NELL1: variants seen among roughly 807,000 people sequenced by gnomAD.
NELL1 encodes the protein neural EGFL like 1.
A neutral mutation model predicts 107.4 loss-of-function variants in NELL1; 76 were observed. The ratio of observed to expected loss-of-function variants is 0.71; its 90% CI spans 0.59 to 0.86. The LOEUF (loss-of-function observed/expected upper bound fraction) is 0.86. Ranked by LOEUF, NELL1 falls within the 40% of genes least tolerant of loss-of-function variation. NELL1 has a pLI of 0.00. For missense variants in NELL1, 1,024 were observed against 1,005.5 expected (o/e 1.02, Z -0.25); for synonymous variants, 353 against 341.2 (o/e 1.03, Z -0.38).
rs542638695 is a variant in NELL1 at position 20,990,429 on chromosome 11, A to G, written c.1300+29869A>G. Among the ~76,000 whole-genome samples, 14 of 152,286 alleles carry G rather than the reference A, an allele frequency of 9.2e-5. No individual in the cohort carries two copies. In the South Asian group the frequency reaches 2.9e-3, roughly 32 times the overall value. Reference sequence around the variant, plus strand: ...TCACAGTGCCCACTTGACCATAGAAAACATACATTCTTGACATGGCAGTAC... The same window carrying G: ...TCACAGTGCCCACTTGACCATAGAAGACATACATTCTTGACATGGCAGTAC... On this transcript the variant is annotated intron_variant, in intron 12 of 19. Coordinates refer to ENST00000357134, the MANE Select transcript of NELL1 (RefSeq NM_006157.5).
At chr11:21,157,274 T>C (rs905475688) in intron 13 of NELL1, among the ~76,000 whole-genome samples, 34 of 152,114 alleles carry the variant, frequency 2.2e-4, no homozygotes, top group Non-Finnish European at 4.3e-4. Flanking sequence ...ATGCTTGTCC[T>C]TGCTGACTCA....
In NELL1 at chr11:20,899,715, T is replaced by C. The variant is rs143518783; in HGVS notation, c.603+14175T>C. ...ATCATTTGAAAATACACTGGGAAGTTTGAGCAAGAAGAAAATGAGAGAAGG... is the reference window on the plus strand; with the variant it reads ...ATCATTTGAAAATACACTGGGAAGTCTGAGCAAGAAGAAAATGAGAGAAGG... On this transcript the variant is annotated intron_variant, in intron 5 of 19. Coordinates refer to ENST00000357134, the MANE Select transcript of NELL1 (RefSeq NM_006157.5). Among the ~76,000 whole-genome samples, 871 of 152,014 alleles carry C rather than the reference T, an allele frequency of 5.7e-3. 5 individuals are homozygous for C. The highest frequency in any genetic ancestry group is 0.02 in the African/African-American group (829 of 41,466).
At chr11:20,736,478 G>A (rs1253262802) in intron 2 of NELL1, among the ~76,000 whole-genome samples, 1 of 152,154 alleles carries the variant, frequency 6.6e-6, no homozygotes, top group African/African-American at 2.4e-5. Flanking sequence ...TGTCATCATG[G>A]TTTAGGATAA....
intron 13 of NELL1, among the ~76,000 whole-genome samples, chr11:21,163,550 G>A (rs1856418286): frequency 6.6e-6 from 1 of 152,130 alleles, no homozygotes; most frequent in South Asian, 2.1e-4. Flanking sequence ...ACAGTATTTA[G>A]GGAGGTACTT....
chr11:21,289,327 G>A (rs1363940906), intron 14 of NELL1, among the ~76,000 whole-genome samples: 1 of 152,190 alleles, frequency 6.6e-6, no homozygotes, highest in Non-Finnish European at 1.5e-5. Flanking sequence ...CATCTCATTG[G>A]GACTGATTAG....
chr11:21,249,912 G>T (rs1043579761), intron 14 of NELL1, among the ~76,000 whole-genome samples: 4 of 152,134 alleles, frequency 2.6e-5, no homozygotes, highest in African/African-American at 4.8e-5. Context: ...ACAAAAAACT[G>T]CAAAAGTCTA....
intron 16 of NELL1, among the ~76,000 whole-genome samples, chr11:21,540,496 C>T (rs1189993732): frequency 6.6e-6 from 1 of 152,052 alleles, no homozygotes; most frequent in African/African-American, 2.4e-5. Context: ...AAGGAACTTC[C>T]TGAGACTGGG....
At chr11:21,304,702 G>T (rs1377836529) in intron 14 of NELL1, among the ~76,000 whole-genome samples, 1 of 151,460 alleles carries the variant, frequency 6.6e-6, no homozygotes, top group Non-Finnish European at 1.5e-5. Context: ...TTGCCCTGTT[G>T]TATTTTTTTA....
chr11:21,112,388 G>T (rs955369178), intron 12 of NELL1, among the ~76,000 whole-genome samples: 11 of 151,686 alleles, frequency 7.3e-5, no homozygotes, highest in African/African-American at 2.4e-4. Context: ...TTTATCCTCG[G>T]TTTCTGTACA....
chr11:21,331,014 T>C (rs538499525), intron 14 of NELL1, among the ~76,000 whole-genome samples: 1 of 152,234 alleles, frequency 6.6e-6, no homozygotes, highest in African/African-American at 2.4e-5. Context: ...CTAGTACATT[T>C]TTCATTTCAG....
chr11:21,333,916 C>G lies in NELL1; in HGVS notation c.1550-36937C>G, dbSNP rs116591170. ...TCACTGAATTGAAATTCCTTTTTCT[C>G]CACTGCTGAGTCGTGAGATTTGGGG... On this transcript the variant is annotated intron_variant, in intron 14 of 19. Coordinates refer to ENST00000357134, the MANE Select transcript of NELL1 (RefSeq NM_006157.5). 3.0e-3 allele frequency among the ~76,000 whole-genome samples: 458 copies of G among 152,116 alleles called. 5 individuals carry two copies. In the Middle Eastern group the frequency reaches 0.031, roughly 10 times the overall value.
chr11:21,239,887 A>G (rs1445551007), intron 14 of NELL1, among the ~76,000 whole-genome samples: 1 of 152,002 alleles, frequency 6.6e-6, no homozygotes, highest in South Asian at 2.1e-4. Flanking sequence ...GCAGAGACCT[A>G]TTGAGATATT....
Position 21,114,651 on chromosome 11 carries a change from A to G in NELL1, c.1426+937A>G, listed in dbSNP as rs146860468. On this transcript the variant is annotated intron_variant, in intron 13 of 19. Coordinates refer to ENST00000357134, the MANE Select transcript of NELL1 (RefSeq NM_006157.5). ...CCAAATTTCTTTGCCAGTGATGTCTATTTATAAGTTACTATTCTTTGGGTG... is the reference window on the plus strand; with the variant it reads ...CCAAATTTCTTTGCCAGTGATGTCTGTTTATAAGTTACTATTCTTTGGGTG... Among the ~76,000 whole-genome samples, 862 of 152,044 alleles carry G rather than the reference A, an allele frequency of 5.7e-3. 5 individuals carry two copies. The highest frequency in any genetic ancestry group is 0.02 in the Middle Eastern group (6 of 294).
chr11:21,345,143 T>C (rs1850656720), intron 14 of NELL1, among the ~76,000 whole-genome samples: 1 of 152,198 alleles, frequency 6.6e-6, no homozygotes. Flanking sequence ...TTTAGCCTTC[T>C]GGAAAAATTC....
At chr11:21,349,403 A>T (rs1169685139) in intron 14 of NELL1, among the ~76,000 whole-genome samples, 2 of 152,226 alleles carry the variant, frequency 1.3e-5, no homozygotes, top group East Asian at 3.8e-4. Context: ...TAGTTTTATC[A>T]GCATGAAAAA....
At chr11:21,248,953 G>T (rs1028008509) in intron 14 of NELL1, among the ~76,000 whole-genome samples, 2 of 152,128 alleles carry the variant, frequency 1.3e-5, no homozygotes, top group African/African-American at 4.8e-5. Flanking sequence ...GGCTGTCTGA[G>T]GAGGAAGCCA....
chr11:21,504,022 T>C (rs537611586), intron 15 of NELL1: 13 of 152,290 alleles, frequency 8.5e-5, no homozygotes, highest in Admixed American at 7.9e-4. Flanking sequence ...TCAACAGAGA[T>C]TTTTCTCTTC....
At chr11:21,173,425 C>G (rs1042449256) in intron 13 of NELL1, among the ~76,000 whole-genome samples, 6 of 151,810 alleles carry the variant, frequency 4.0e-5, no homozygotes, top group African/African-American at 7.3e-5. Flanking sequence ...AATTTAACAG[C>G]TTATGTACTT....
chr11:21,403,901 T>A (rs1246617943), intron 15 of NELL1, among the ~76,000 whole-genome samples: 3 of 150,194 alleles, frequency 2.0e-5, no homozygotes, highest in African/African-American at 7.5e-5. Context: ...TCTGTCCTTT[T>A]TTGGGATGTT....
Sources: allele counts gnomAD v4.1 joint callset (sites outside exome capture counted in the v4.1 genomes callset), GRCh38; gene constraint gnomAD v4.1.1; transcripts MANE v1.5; gene names NCBI Gene and HGNC (gene_info 2026-07-23, HGNC 2026-07-21).